Variants in ZNF738 observed in about 807,000 individuals in gnomAD.
ZNF738 encodes the protein zinc finger protein 738.
In ZNF738, 10 loss-of-function variants were observed where a neutral mutation model predicts 9.2. The observed-to-expected ratio is 1.09, with a 90% confidence interval of 0.67 to 1.85. The LOEUF is 1.85. ZNF738 is among the 40% of genes most tolerant of loss of function. The pLI, the probability that ZNF738 is intolerant of heterozygous loss-of-function variation, is 0.00. For synonymous variants in ZNF738, 113 were observed against 94.5 expected (o/e 1.20, Z -1.14); for missense variants, 346 against 283.6 (o/e 1.22, Z -1.58).
chr19:21,373,682 C>A (rs111675864), intron 2 of ZNF738, among the ~76,000 whole-genome samples: 1 of 151,836 alleles, frequency 6.6e-6, no homozygotes, highest in African/African-American at 2.4e-5. Context: ...GTGGTGCTGA[C>A]GCCTTTTAAG....
chr19:21,371,320 C>T (rs758721813), intron 2 of ZNF738, among the ~76,000 whole-genome samples: 1 of 152,172 alleles, frequency 6.6e-6, no homozygotes, highest in Non-Finnish European at 1.5e-5. Context: ...CTCCTAATCA[C>T]CTGGGTGTCC....
chr19:21,379,721 A>AT (rs1174735322), intron 4 of ZNF738, among the ~76,000 whole-genome samples: 1 of 152,018 alleles, frequency 6.6e-6, no homozygotes, highest in Non-Finnish European at 1.5e-5. Flanking sequence ...TTAAGGCCAC[A>AT]TTTTTTTAAT....
At chr19:21,366,814 C>T (rs1973787494) in intron 2 of ZNF738, among the ~76,000 whole-genome samples, 3 of 152,244 alleles carry the variant, frequency 2.0e-5, no homozygotes, top group Admixed American at 1.3e-4. Flanking sequence ...GGGAGGGTAA[C>T]GGAGAATGAC....
chr19:21,383,493 A>G lies in ZNF738; in HGVS notation c.947A>G (p.Tyr316Cys), dbSNP rs1974031734. Residue 316 changes from tyrosine to cysteine, a missense_variant, in exon 5 of 5, where the codon TAC (tyrosine) becomes TGC (cysteine). Coordinates refer to ENST00000683779, the MANE Select transcript of ZNF738 (RefSeq NM_001355237.2). The stretch of plus-strand genomic sequence containing the variant: ...ACAATTCATGCTGGAGAGAAACCCT[A>G]CAAATGTGAAGGATGTGGCAAAGCT... ...HKTIHAGEKP[Y>C]KCEGCGKAFC... 4.8e-6 allele frequency: 4 copies of G among 831,412 alleles called. No individual in the cohort carries two copies. The highest frequency in any genetic ancestry group is 8.2e-6 in the Non-Finnish European group (4 of 486,092). The allele number at this position is 831,412 out of a possible 1,614,324, so 51.5% of individuals were successfully genotyped here.
rs923218364 is a variant in ZNF738, at chr19:21,384,455, A to C, written c.*781A>C. On this transcript the variant is annotated 3_prime_UTR_variant, in exon 5 of 5. Coordinates refer to ENST00000683779, the MANE Select transcript of ZNF738 (RefSeq NM_001355237.2). Reference sequence around the variant, plus strand: ...GTGGCAAAGATTTCTACCAATTCTCATACCTTACTACACATAAGATGATTC... The same window carrying C: ...GTGGCAAAGATTTCTACCAATTCTCCTACCTTACTACACATAAGATGATTC... Among the ~76,000 whole-genome samples the C allele has an allele frequency of 2.0e-5, 3 of 152,152 alleles. No homozygotes were observed. Among genetic ancestry groups the C allele is most frequent in the Non-Finnish European group, 4.4e-5 (3 of 68,018 alleles).
intron 4 of ZNF738, chr19:21,378,755 A>T: frequency 3.5e-6 from 1 of 287,610 alleles, no homozygotes; most frequent in Non-Finnish European, 7.4e-6. Flanking sequence ...ATATGCCACC[A>T]CACCCAGCTA....
rs532568460 is a variant in ZNF738, at chr19:21,361,240, C to T, written c.4-526C>T. On this transcript the variant is annotated intron_variant, in intron 1 of 4. Transcript: ENST00000683779. ...GCAACTTCTGCCTCCCGGGTTCAGG[C>T]GATTCTCCTGCCTCAGCCTCCGAGT... Among the ~76,000 whole-genome samples, 8 of 151,596 alleles carry T rather than the reference C, an allele frequency of 5.3e-5. No individual in the cohort carries two copies. In the East Asian group the frequency reaches 1.4e-3, roughly 26 times the overall value.
At chr19:21,377,250 T>G in intron 4 of ZNF738, 1 of 465,244 alleles carries the variant, frequency 2.1e-6, no homozygotes, top group Non-Finnish European at 3.8e-6. Flanking sequence ...GAGGTTGTGG[T>G]GAGCTGAGAT....
At chr19:21,382,210 T>A (rs759603864) in intron 4 of ZNF738, among the ~76,000 whole-genome samples, 2 of 150,544 alleles carry the variant, frequency 1.3e-5, no homozygotes, top group Admixed American at 1.3e-4. Context: ...GGATTACAGG[T>A]TGAGCCACCA....
At chr19:21,371,929 G>A (rs1973862151) in intron 2 of ZNF738, 1 of 152,078 alleles carries the variant, frequency 6.6e-6, no homozygotes, top group East Asian at 1.9e-4. Flanking sequence ...CATAAACTCT[G>A]GGATTTAACT....
At chr19:21,373,655 G>A (rs2068309002) in intron 2 of ZNF738, among the ~76,000 whole-genome samples, 1 of 152,134 alleles carries the variant, frequency 6.6e-6, no homozygotes, top group African/African-American at 2.4e-5. Context: ...GTGGGTGTGA[G>A]ACTAGCAGGT....
chr19:21,383,241 A>G lies in ZNF738; in HGVS notation c.695A>G (p.Tyr232Cys), dbSNP rs759819898. Residue 232 changes from tyrosine to cysteine, a missense_variant, in exon 5 of 5, where the codon TAC becomes TGC. Transcript: ENST00000683779. ...HKIIHIRENS[Y>C]QCEECGKAFK... The stretch of plus-strand genomic sequence containing the variant: ...ATAATTCATATTAGAGAGAATTCTT[A>G]CCAATGTGAAGAATGTGGCAAAGCC... 17 of 1,592,876 alleles carry G rather than the reference A, an allele frequency of 1.1e-5. No individual in the cohort carries two copies. Among genetic ancestry groups the G allele is most frequent in the Admixed American group, 1.7e-5 (1 of 59,576 alleles).
chr19:21,361,028 G>T (rs554918642), intron 1 of ZNF738, among the ~76,000 whole-genome samples: 2 of 151,590 alleles, frequency 1.3e-5, no homozygotes, highest in East Asian at 3.9e-4. Context: ...TGGTCAGGCT[G>T]GTCATGAACT....
chr19:21,376,141 T>C (rs1341652669), intron 4 of ZNF738, 177 bp downstream of exon 4: 1 of 441,052 alleles, frequency 2.3e-6, no homozygotes, highest in East Asian at 4.1e-5. Flanking sequence ...TACTGTCACA[T>C]AGGGCCATCT....
intron 2 of ZNF738, chr19:21,372,790 T>C (rs756747460): frequency 1.6e-4 from 25 of 152,212 alleles, no homozygotes; most frequent in Non-Finnish European, 5.9e-5. Flanking sequence ...CTCTGCAACA[T>C]ACTATTGAGC....
Position 21,377,810 on chromosome 19 carries a change from T to G in ZNF738, c.319+1846T>G, listed in dbSNP as rs1282230022. The G allele has an allele frequency of 8.3e-6, 3 of 361,384 alleles. No homozygotes were observed. In the East Asian group the frequency reaches 1.2e-4, roughly 14 times the overall value. The allele number at this position is 361,384 out of a possible 1,614,324, so 22.4% of individuals were successfully genotyped here. A position where few individuals can be genotyped will look rare whatever the true frequency, so the allele number is the denominator to read the frequency against. On this transcript the variant is annotated intron_variant, in intron 4 of 4. Coordinates refer to ENST00000683779, the MANE Select transcript of ZNF738 (RefSeq NM_001355237.2). ...AATTGGATCTTGGTTTTTAATAATTTTAAATAAATTTCTTTATTGAAAGTA... is the reference window on the plus strand; with the variant it reads ...AATTGGATCTTGGTTTTTAATAATTGTAAATAAATTTCTTTATTGAAAGTA...
rs1974073080 is a variant in ZNF738, at chr19:21,386,782, C to T, written c.*3108C>T. On this transcript the variant is annotated 3_prime_UTR_variant, in exon 5 of 5. Transcript: ENST00000683779. Reference sequence around the variant, plus strand: ...CTGCAATACTGTGGCATGATTTCAGCTCACTGCAACCTCCGTCTCCCAGGT... The same window carrying T: ...CTGCAATACTGTGGCATGATTTCAGTTCACTGCAACCTCCGTCTCCCAGGT... The T allele has an allele frequency of 5.8e-6, 1 of 173,612 alleles. No homozygotes were observed. Among genetic ancestry groups the T allele is most frequent in the Non-Finnish European group, 1.2e-5 (1 of 81,380 alleles). 10.8% of individuals were successfully genotyped at this position (173,612 alleles called of 1,614,324 possible). A position where few individuals can be genotyped will look rare whatever the true frequency, so the allele number is the denominator to read the frequency against.
In ZNF738 at chr19:21,384,854, C is replaced by T. The variant is rs1449661786; in HGVS notation, c.*1180C>T. ...CACCCTACAAATGTGAAGAATGTGGCAAAGCTTTTAACCAATCTTCAACCC... is the reference window on the plus strand; with the variant it reads ...CACCCTACAAATGTGAAGAATGTGGTAAAGCTTTTAACCAATCTTCAACCC... On this transcript the variant is annotated 3_prime_UTR_variant, in exon 5 of 5. Coordinates refer to ENST00000683779, the MANE Select transcript of ZNF738 (RefSeq NM_001355237.2). Among the ~76,000 whole-genome samples, 1 of 152,156 alleles carries T rather than the reference C, an allele frequency of 6.6e-6. No homozygotes were observed. The highest frequency in any genetic ancestry group is 1.9e-4 in the East Asian group (1 of 5,190).
At chr19:21,375,210 AAT>A in intron 2 of ZNF738, 26 bp from the exon 3 acceptor site, 1 of 791,492 alleles carries the variant, frequency 1.3e-6, no homozygotes, top group Non-Finnish European at 1.8e-6. Flanking sequence ...GACACTTGTA[AAT>A]ATGTGTGTGT....
Sources: gnomAD v4.1 joint callset for allele counts (sites outside exome capture counted in the v4.1 genomes callset) on GRCh38, gnomAD v4.1.1 for gene constraint, MANE v1.5 for transcripts, NCBI Gene and HGNC (gene_info 2026-07-23, HGNC 2026-07-21) for gene names.